The following NOX4 variants were observed in gnomAD, a reference collection of about 807,000 sequenced individuals.
NOX4 encodes NADPH oxidase 4, also known as kidney oxidase-1.
A neutral mutation model predicts 87.6 loss-of-function variants in NOX4; 69 were observed. The ratio of observed to expected loss-of-function variants is 0.79; its 90% CI spans 0.65 to 0.96. The LOEUF is 0.96. Ranked by LOEUF, NOX4 falls within the 40% of genes least tolerant of loss-of-function variation. The pLI is 0.00. For missense variants in NOX4, 680 were observed against 681.5 expected, an observed-to-expected ratio of 1.00 and a Z score of 0.02; for synonymous variants, 275 against 238.2, an observed-to-expected ratio of 1.15 and a Z score of -1.42.
intron 8 of NOX4, among the ~76,000 whole-genome samples, chr11:89,418,495 A>G (rs1942914072): frequency 6.7e-6 from 1 of 150,242 alleles, no homozygotes. Flanking sequence ...ATTTAATGAG[A>G]GCAAATGTTA....
intron 8 of NOX4, among the ~76,000 whole-genome samples, chr11:89,405,894 T>C (rs567249487): frequency 6.6e-6 from 1 of 152,144 alleles, no homozygotes. Context: ...TGCTCCTTCC[T>C]CTGTACCAGG....
At chr11:89,333,467 A>G (rs183296275) in intron 17 of NOX4, among the ~76,000 whole-genome samples, 1 of 151,716 alleles carries the variant, frequency 6.6e-6, no homozygotes, top group Non-Finnish European at 1.5e-5. Flanking sequence ...CTTCTGTAAG[A>G]ATACATAACG....
chr11:89,372,390 A>T (rs1281883343), intron 12 of NOX4, among the ~76,000 whole-genome samples: 1 of 151,938 alleles, frequency 6.6e-6, no homozygotes, highest in Non-Finnish European at 1.5e-5. Context: ...CTGTGCTACT[A>T]CCCAGAACAA....
At chr11:89,514,178 T>A in the NOX4 span, among the ~76,000 whole-genome samples, 1 of 152,188 alleles carries the variant, frequency 6.6e-6, no homozygotes, top group African/African-American at 2.4e-5. Flanking sequence ...ATTTAACTTT[T>A]CAAGATTCTT....
chr11:89,419,598 T>C (rs567588147), intron 8 of NOX4, among the ~76,000 whole-genome samples: 189 of 152,044 alleles, frequency 1.2e-3, no homozygotes, highest in South Asian at 9.1e-3. Context: ...CATTTCTACC[T>C]ATAATGAATA....
intron 2 of NOX4, among the ~76,000 whole-genome samples, chr11:89,471,768 G>GTC (rs1367595604): frequency 6.6e-6 from 1 of 152,150 alleles, no homozygotes; most frequent in Non-Finnish European, 1.5e-5. Flanking sequence ...TTTTGAGACA[G>GTC]TCTCTCTCTG....
chr11:89,325,406 C>T lies in NOX4; in HGVS notation c.*1350G>A, dbSNP rs1174708990. On this transcript the variant is annotated 3_prime_UTR_variant, in exon 18 of 18. Coordinates refer to ENST00000263317, the MANE Select transcript of NOX4 (RefSeq NM_016931.5). ...AAAGTGCCGGGATTACAGGCGTGAG[C>T]CATGAATGCCTTAATTCTTAAGATA... 6.6e-6 allele frequency: 1 copy of T among 152,108 alleles called. No individual in the cohort carries two copies. The highest frequency in any genetic ancestry group is 1.5e-5 in the Non-Finnish European group (1 of 68,034). 9.4% of individuals were successfully genotyped at this position (152,108 alleles called of 1,614,324 possible).
At chr11:89,509,358 G>T in the NOX4 span, among the ~76,000 whole-genome samples, 3 of 152,010 alleles carry the variant, frequency 2.0e-5, no homozygotes, top group South Asian at 6.2e-4. Context: ...ACTGTCAGGG[G>T]TCTCTCTGTC....
chr11:89,549,957 A>G, the NOX4 span, among the ~76,000 whole-genome samples: 1 of 152,168 alleles, frequency 6.6e-6, no homozygotes, highest in African/African-American at 2.4e-5. Flanking sequence ...TGCAATAAAC[A>G]TATGTGTGTA....
chr11:89,536,298 C>T, the NOX4 span, among the ~76,000 whole-genome samples: 1 of 151,934 alleles, frequency 6.6e-6, no homozygotes, highest in African/African-American at 2.4e-5. Flanking sequence ...AGGCGCCCGC[C>T]ACCATGCCCG....
At chr11:89,481,106 C>A (rs1182462596) in intron 2 of NOX4, among the ~76,000 whole-genome samples, 1 of 151,910 alleles carries the variant, frequency 6.6e-6, no homozygotes, top group Non-Finnish European at 1.5e-5. Flanking sequence ...CATCAAACAG[C>A]CATTTATTAA....
At chr11:89,535,988 G>A in the NOX4 span, among the ~76,000 whole-genome samples, 1 of 152,096 alleles carries the variant, frequency 6.6e-6, no homozygotes, top group South Asian at 2.1e-4. Context: ...TTCTTACCCG[G>A]AAAACTTTAC....
chr11:89,327,694 T>C (rs553610616), intron 17 of NOX4, among the ~76,000 whole-genome samples: 1 of 152,222 alleles, frequency 6.6e-6, no homozygotes, highest in East Asian at 1.9e-4. Flanking sequence ...CTTAATTATG[T>C]CAGAATAACT....
At chr11:89,328,689 C>T (rs1393458400) in intron 17 of NOX4, among the ~76,000 whole-genome samples, 2 of 152,106 alleles carry the variant, frequency 1.3e-5, no homozygotes, top group Non-Finnish European at 1.5e-5. Flanking sequence ...ATCCAAAGCC[C>T]GTAGGTTGAA....
At chr11:89,334,144 T>C (rs1404486544) in intron 17 of NOX4, among the ~76,000 whole-genome samples, 2 of 151,514 alleles carry the variant, frequency 1.3e-5, no homozygotes, top group Admixed American at 6.6e-5. Context: ...ACAGTGAAAA[T>C]CAACAAAAAA....
At chr11:89,519,160 G>C in the NOX4 span, among the ~76,000 whole-genome samples, 1 of 152,074 alleles carries the variant, frequency 6.6e-6, no homozygotes, top group East Asian at 1.9e-4. Flanking sequence ...AACCATGTGA[G>C]AAGTGCTATG....
chr11:89,521,309 G>T, the NOX4 span, among the ~76,000 whole-genome samples: 11 of 151,994 alleles, frequency 7.2e-5, no homozygotes, highest in Non-Finnish European at 1.2e-4. Context: ...AACCAAAATG[G>T]CATAGTACCA....
chr11:89,375,904 G>T (rs11018596), intron 11 of NOX4, among the ~76,000 whole-genome samples: 237 of 152,290 alleles, frequency 1.6e-3, no homozygotes, highest in African/African-American at 5.6e-3. Flanking sequence ...AAGAATGTTT[G>T]TCCTTGTGTG....
At chr11:89,484,583 C>T (rs924854422) in intron 2 of NOX4, among the ~76,000 whole-genome samples, 4 of 151,962 alleles carry the variant, frequency 2.6e-5, no homozygotes, top group Non-Finnish European at 5.9e-5. Context: ...AAATAGTGAC[C>T]AAGTCACTAA....
Sources: allele counts gnomAD v4.1 joint callset (sites outside exome capture counted in the v4.1 genomes callset), GRCh38; gene constraint gnomAD v4.1.1; transcripts MANE v1.5; gene names NCBI Gene and HGNC (gene_info 2026-07-23, HGNC 2026-07-21).